The following FHIT variants were observed in gnomAD, a reference collection of about 807,000 sequenced individuals.
FHIT encodes bis(5'-adenosyl)-triphosphatase.
In FHIT, 19 loss-of-function variants were observed where a neutral mutation model predicts 17.9. That is an observed-to-expected ratio of 1.06 (90% CI 0.74 to 1.56). FHIT has a LOEUF of 1.56. Ranked by LOEUF, FHIT falls within the 40% of genes most tolerant of loss-of-function variation. The pLI, the probability that FHIT is intolerant of heterozygous loss-of-function variation, is 0.00. For synonymous variants in FHIT, 81 were observed against 69.7 expected, an observed-to-expected ratio of 1.16 and a Z score of -0.81; for missense variants, 248 against 189.2, an observed-to-expected ratio of 1.31 and a Z score of -1.82.
chr3:61,145,585 G>A (rs2107021926), intron 2 of FHIT, among the ~76,000 whole-genome samples: 1 of 152,038 alleles, frequency 6.6e-6, no homozygotes, highest in African/African-American at 2.4e-5. Context: ...TTTTTAAAGG[G>A]ATTCCATTAA....
At chr3:60,104,098 GC>G (rs916073012) in intron 5 of FHIT, among the ~76,000 whole-genome samples, 3 of 152,242 alleles carry the variant, frequency 2.0e-5, no homozygotes, top group Non-Finnish European at 2.9e-5. Context: ...TTTAAACCAT[GC>G]CACAGGCAAA....
At chr3:59,905,252 A>G (rs1704532411) in intron 8 of FHIT, among the ~76,000 whole-genome samples, 1 of 152,224 alleles carries the variant, frequency 6.6e-6, no homozygotes, top group Non-Finnish European at 1.5e-5. Context: ...GGGGCTTGGC[A>G]GGAAAAAAGA....
chr3:60,049,666 C>T (rs1701794007), intron 5 of FHIT, among the ~76,000 whole-genome samples: 2 of 152,146 alleles, frequency 1.3e-5, no homozygotes, highest in African/African-American at 2.4e-5. Flanking sequence ...ACAGCATTAA[C>T]ATGATCACCT....
At chr3:60,529,229 T>C (rs149620498) in intron 5 of FHIT, among the ~76,000 whole-genome samples, 334 of 152,290 alleles carry the variant, frequency 2.2e-3, no homozygotes, top group Non-Finnish European at 3.7e-3. Context: ...AGATCATTAA[T>C]TTGCAATAAA....
chr3:59,807,049 G>T (rs1265734766), intron 8 of FHIT, among the ~76,000 whole-genome samples: 1 of 152,114 alleles, frequency 6.6e-6, no homozygotes, highest in Non-Finnish European at 1.5e-5. Flanking sequence ...TGGGACTCTG[G>T]CTGTGATCCC....
In FHIT at chr3:59,967,688, A is replaced by C. The variant is rs116023772; in HGVS notation, c.279+43683T>G. 5.8e-3 allele frequency among the ~76,000 whole-genome samples: 888 copies of C among 152,254 alleles called. 14 individuals carry two copies. The highest frequency in any genetic ancestry group is 0.02 in the African/African-American group (825 of 41,552). ...AAGAGCCAGCATGGCTCCCAAAGGC[A>C]CCTCAGTTTCTATGTTTGTTGGATA... On this transcript the variant is annotated intron_variant, in intron 7 of 9. Coordinates refer to ENST00000492590, the MANE Select transcript of FHIT (RefSeq NM_002012.4).
chr3:60,119,250 T>G (rs1309265463), intron 5 of FHIT, among the ~76,000 whole-genome samples: 1 of 151,650 alleles, frequency 6.6e-6, no homozygotes, highest in East Asian at 2.0e-4. Context: ...ATTTTTTATT[T>G]TTTGTAGAGA....
At chr3:60,306,943 T>C (rs1231799109) in intron 5 of FHIT, among the ~76,000 whole-genome samples, 1 of 152,162 alleles carries the variant, frequency 6.6e-6, no homozygotes, top group Non-Finnish European at 1.5e-5. Flanking sequence ...AAGACCTCTA[T>C]GCTGCACTTC....
At chr3:61,014,807 A>AAAAAAAATATATATAT (rs1553798839) in intron 3 of FHIT, among the ~76,000 whole-genome samples, 2 of 49,100 alleles carry the variant, frequency 4.1e-5, no homozygotes, top group African/African-American at 1.1e-4. Context: ...AAAAAAAAAA[A>AAAAAAAATATATATAT]ATATATATAT....
intron 7 of FHIT, among the ~76,000 whole-genome samples, chr3:60,001,855 G>A (rs1302403617): frequency 6.6e-6 from 1 of 152,068 alleles, no homozygotes; most frequent in Non-Finnish European, 1.5e-5. Context: ...ATTACGTCTG[G>A]GAATTTATAC....
At position 61,063,255 on chromosome 3, in the gene FHIT, C is replaced by CAAAAAAAAAAA. The variant is rs371077056; in HGVS notation, c.-163-21167_-163-21157dup. The stretch of plus-strand genomic sequence containing the variant: ...TGAGCGACAGAGCGAGACTCTGTCT[C>CAAAAAAAAAAA]AAAAAAAAAAAAGATTAGTTTTAAG... On this transcript the variant is annotated intron_variant, in intron 2 of 9. Coordinates refer to ENST00000492590, the MANE Select transcript of FHIT (RefSeq NM_002012.4). 3.1e-5 allele frequency among the ~76,000 whole-genome samples: 3 copies of CAAAAAAAAAAA among 95,882 alleles called. 1 individual carries two copies. The highest frequency in any genetic ancestry group is 6.5e-5 in the Non-Finnish European group (3 of 46,278). The allele number at this position is 95,882 out of a possible 152,430, so 62.9% of individuals were successfully genotyped here.
At chr3:60,527,895 G>C (rs1412191788) in intron 5 of FHIT, among the ~76,000 whole-genome samples, 1 of 152,210 alleles carries the variant, frequency 6.6e-6, no homozygotes, top group Non-Finnish European at 1.5e-5. Context: ...CCTGGGTAAA[G>C]CCCAGACTCC....
intron 5 of FHIT, among the ~76,000 whole-genome samples, chr3:60,452,524 A>G (rs940220899): frequency 6.6e-6 from 1 of 152,202 alleles, no homozygotes; most frequent in African/African-American, 2.4e-5. Context: ...GTGACCAAAT[A>G]AAGATATTTA....
intron 3 of FHIT, among the ~76,000 whole-genome samples, chr3:60,842,235 G>C (rs1200899520): frequency 6.6e-6 from 1 of 151,954 alleles, no homozygotes; most frequent in Non-Finnish European, 1.5e-5. Context: ...GTTCTCTGTA[G>C]TAATGAGCAA....
chr3:60,522,846 C>G (rs1235477719), intron 5 of FHIT, among the ~76,000 whole-genome samples: 2 of 152,120 alleles, frequency 1.3e-5, no homozygotes, highest in Non-Finnish European at 1.5e-5. Flanking sequence ...TCAGGGCCAA[C>G]TTTGTGACCC....
intron 2 of FHIT, among the ~76,000 whole-genome samples, chr3:61,169,537 A>C (rs1395624439): frequency 6.6e-6 from 1 of 152,198 alleles, no homozygotes; most frequent in Non-Finnish European, 1.5e-5. Context: ...AAAAACTTTA[A>C]ATTTTGAGTG....
chr3:59,855,757 T>C (rs1410849883), intron 8 of FHIT, among the ~76,000 whole-genome samples: 1 of 151,362 alleles, frequency 6.6e-6, no homozygotes, highest in South Asian at 2.1e-4. Flanking sequence ...GATTCTTTGA[T>C]AAAATAATTA....
chr3:60,932,730 C>T (rs1708021659), intron 3 of FHIT, among the ~76,000 whole-genome samples: 1 of 152,198 alleles, frequency 6.6e-6, no homozygotes, highest in African/African-American at 2.4e-5. Flanking sequence ...AATCTACCCA[C>T]ACCTCTGTCA....
chr3:60,764,859 C>A (rs1332111240), intron 4 of FHIT, among the ~76,000 whole-genome samples: 1 of 151,640 alleles, frequency 6.6e-6, no homozygotes, highest in Non-Finnish European at 1.5e-5. Context: ...TATTCTTAAC[C>A]TGAAACCAAA....
Sources: gnomAD v4.1 joint callset for allele counts (sites outside exome capture counted in the v4.1 genomes callset) on GRCh38, gnomAD v4.1.1 for gene constraint, MANE v1.5 for transcripts, NCBI Gene and HGNC (gene_info 2026-07-23, HGNC 2026-07-21) for gene names.